The following ZNF804A variants were observed in gnomAD, a reference collection of about 807,000 sequenced individuals.
The protein encoded by ZNF804A is zinc finger protein 804A.
ZNF804A carries 2 observed loss-of-function variants against 16.5 expected under a neutral mutation model. The observed-to-expected ratio is 0.12, with a 90% confidence interval of 0.05 to 0.38. ZNF804A has a LOEUF of 0.38. ZNF804A is among the 10% of genes least tolerant of loss of function. The pLI, the probability that ZNF804A is intolerant of heterozygous loss-of-function variation, is 0.99. For synonymous variants in ZNF804A, 534 were observed against 489.6 expected (o/e 1.09, Z -1.20); for missense variants, 1,473 against 1,390.7 (o/e 1.06, Z -0.94).
intron 1 of ZNF804A, among the ~76,000 whole-genome samples, chr2:184,850,736 A>G (rs981662584): frequency 2.0e-5 from 3 of 151,846 alleles, no homozygotes; most frequent in Non-Finnish European, 4.4e-5. Flanking sequence ...TTTCCAAAGC[A>G]TTTTAAATGT....
At chr2:184,880,754 C>T (rs1450464020) in intron 2 of ZNF804A, among the ~76,000 whole-genome samples, 1 of 152,036 alleles carries the variant, frequency 6.6e-6, no homozygotes, top group Non-Finnish European at 1.5e-5. Flanking sequence ...TGAAGTCCTT[C>T]TTGCTGTGTC....
chr2:184,812,027 C>A (rs1694909730), intron 1 of ZNF804A, among the ~76,000 whole-genome samples: 1 of 152,280 alleles, frequency 6.6e-6, no homozygotes, highest in East Asian at 1.9e-4. Flanking sequence ...ATGACTTACA[C>A]AAATACCTAA....
At chr2:184,866,306 G>A in intron 1 of ZNF804A, 63 bp from the exon 2 acceptor site, 2 of 1,539,040 alleles carry the variant, frequency 1.3e-6, no homozygotes, top group South Asian at 1.1e-5. Context: ...GTTGACAACT[G>A]CTAAAACAAA....
At chr2:184,607,830 C>T (rs935948574) in intron 1 of ZNF804A, among the ~76,000 whole-genome samples, 1 of 151,774 alleles carries the variant, frequency 6.6e-6, no homozygotes, top group Admixed American at 6.6e-5. Context: ...TGTCAATGTC[C>T]ACCAGCCAGA....
chr2:184,783,572 C>G (rs1390752157), intron 1 of ZNF804A, among the ~76,000 whole-genome samples: 1 of 151,858 alleles, frequency 6.6e-6, no homozygotes, highest in Non-Finnish European at 1.5e-5. Flanking sequence ...GTCTCAGTCA[C>G]TTTTCTCTGG....
intron 1 of ZNF804A, among the ~76,000 whole-genome samples, chr2:184,708,757 A>G (rs1262849760): frequency 6.6e-6 from 1 of 152,146 alleles, no homozygotes; most frequent in East Asian, 1.9e-4. Context: ...CACTATGTAA[A>G]GTAATCTCTG....
At chr2:184,882,800 G>T (rs1284961783) in intron 2 of ZNF804A, among the ~76,000 whole-genome samples, 1 of 151,850 alleles carries the variant, frequency 6.6e-6, no homozygotes, top group Non-Finnish European at 1.5e-5. Flanking sequence ...TAAGAGGGAG[G>T]TTTATAGCAC....
At chr2:184,617,387 A>G (rs1053546691) in intron 1 of ZNF804A, among the ~76,000 whole-genome samples, 3 of 152,154 alleles carry the variant, frequency 2.0e-5, no homozygotes, top group African/African-American at 7.2e-5. Flanking sequence ...GTGTTGAATA[A>G]CAAAGCAAAT....
rs1036251285 is a variant in ZNF804A, at chr2:184,936,081, T to G, written c.685T>G (p.Ser229Ala). 3.9e-5 allele frequency: 63 copies of G among 1,613,956 alleles called. No homozygotes were observed. The highest frequency in any genetic ancestry group is 5.0e-5 in the Non-Finnish European group (59 of 1,179,970). ...PKKASVKLESSAAAFSEYSDD... is the reference protein window; with the variant it reads ...PKKASVKLESAAAAFSEYSDD... ...GAAAGCGTCCGTGAAGCTAGAGTCC[T>G]CAGCTGCAGCCTTCTCTGAATACAG... Residue 229 changes from serine (S) to alanine (A), a missense_variant, in exon 4 of 4, where the codon TCA becomes GCA. Physicochemically the swap from Ser to Ala is moderately conservative, Grantham distance 99. Coordinates refer to ENST00000302277, the MANE Select transcript of ZNF804A (RefSeq NM_194250.2).
At chr2:184,822,249 G>C (rs1695097495) in intron 1 of ZNF804A, among the ~76,000 whole-genome samples, 1 of 152,140 alleles carries the variant, frequency 6.6e-6, no homozygotes, top group South Asian at 2.1e-4. Context: ...AGGAAATCAT[G>C]TCTTTTGCAG....
At chr2:184,686,335 T>C (rs1692630748) in intron 1 of ZNF804A, among the ~76,000 whole-genome samples, 1 of 152,212 alleles carries the variant, frequency 6.6e-6, no homozygotes, top group Non-Finnish European at 1.5e-5. Flanking sequence ...CCTCCTACAC[T>C]GCAGCCAACA....
At chr2:184,626,232 A>T (rs1396014620) in intron 1 of ZNF804A, among the ~76,000 whole-genome samples, 1 of 152,090 alleles carries the variant, frequency 6.6e-6, no homozygotes, top group Non-Finnish European at 1.5e-5. Context: ...TGTAATCTCT[A>T]GCCCCGGTTG....
intron 1 of ZNF804A, among the ~76,000 whole-genome samples, chr2:184,740,003 A>G (rs1693690041): frequency 6.6e-6 from 1 of 151,974 alleles, no homozygotes. Flanking sequence ...TTTTCTTGTA[A>G]GATTTATCAC....
At position 184,932,686 on chromosome 2, in the gene ZNF804A, C is replaced by T. The variant is rs970613576; in HGVS notation, c.256-917C>T. ...TATTACAATTGCATAATAACATGAA[C>T]CATTAGGGAAAATAGTACTTTTATT... On this transcript the variant is annotated intron_variant, in intron 2 of 3. Transcript: ENST00000302277. Among the ~76,000 whole-genome samples, 7 of 152,140 alleles carry T rather than the reference C, an allele frequency of 4.6e-5. No individual in the cohort carries two copies. The East Asian group carries it at 1.3e-3, about 29-fold the overall frequency.
At chr2:184,932,115 C>G (rs6726421) in intron 2 of ZNF804A, among the ~76,000 whole-genome samples, 71,962 of 151,980 alleles carry the variant, frequency 0.47, 20,656 homozygotes, top group East Asian at 0.82. Flanking sequence ...AGCCATTTGA[C>G]AAGTCTGTAG....
At chr2:184,729,520 A>G (rs1336041704) in intron 1 of ZNF804A, among the ~76,000 whole-genome samples, 1 of 152,062 alleles carries the variant, frequency 6.6e-6, no homozygotes, top group Non-Finnish European at 1.5e-5. Flanking sequence ...AAAATTAAGT[A>G]TTCTAATTTC....
intron 1 of ZNF804A, among the ~76,000 whole-genome samples, chr2:184,658,219 C>G (rs1315959003): frequency 6.6e-6 from 1 of 152,154 alleles, no homozygotes; most frequent in Non-Finnish European, 1.5e-5. Context: ...TGTGGTGGCT[C>G]ACGCCTGTAA....
chr2:184,656,060 G>T (rs55764167), intron 1 of ZNF804A, among the ~76,000 whole-genome samples: 89,743 of 151,812 alleles, frequency 0.59, 28,118 homozygotes, highest in African/African-American at 0.78. Flanking sequence ...AGGTCGTTGA[G>T]CAAATTATTA....
At chr2:184,717,600 AG>A (rs1463815570) in intron 1 of ZNF804A, among the ~76,000 whole-genome samples, 1 of 152,232 alleles carries the variant, frequency 6.6e-6, no homozygotes, top group Non-Finnish European at 1.5e-5. Flanking sequence ...ACTGTGGAAA[AG>A]GGTTATTGCA....
Sources: allele counts gnomAD v4.1 joint callset (sites outside exome capture counted in the v4.1 genomes callset), GRCh38; gene constraint gnomAD v4.1.1; transcripts MANE v1.5; gene names NCBI Gene and HGNC (gene_info 2026-07-23, HGNC 2026-07-21).